Variants in ST8SIA6 observed in about 807,000 individuals in gnomAD.
ST8SIA6 encodes alpha-2,8-sialyltransferase 8F.
Under a neutral mutation model 33.6 loss-of-function variants are expected in ST8SIA6, and 39 were observed. The ratio of observed to expected loss-of-function variants is 1.16; its 90% CI spans 0.90 to 1.52. The LOEUF is 1.52. ST8SIA6 is among the 40% of genes most tolerant of loss of function. The pLI, the probability that ST8SIA6 is intolerant of heterozygous loss-of-function variation, is 0.00. For missense variants in ST8SIA6, 441 were observed against 443.8 expected, an observed-to-expected ratio of 0.99 and a Z score of 0.06; for synonymous variants, 172 against 167.2, an observed-to-expected ratio of 1.03 and a Z score of -0.22.
chr10:17,362,860 C>T (rs866601047), intron 3 of ST8SIA6, among the ~76,000 whole-genome samples: 5 of 151,948 alleles, frequency 3.3e-5, no homozygotes, highest in Admixed American at 1.3e-4. Context: ...TACAGGCGCG[C>T]GTCCCCATGT....
At chr10:17,440,450 C>T (rs1178040138) in intron 2 of ST8SIA6, among the ~76,000 whole-genome samples, 1 of 152,078 alleles carries the variant, frequency 6.6e-6, no homozygotes, top group Admixed American at 6.5e-5. Flanking sequence ...AAGTGATTCA[C>T]CTGCCCCGGC....
intron 3 of ST8SIA6, among the ~76,000 whole-genome samples, chr10:17,369,610 G>A (rs1380516371): frequency 6.6e-6 from 1 of 152,088 alleles, no homozygotes; most frequent in East Asian, 1.9e-4. Context: ...CTATTTCCAT[G>A]ATAATCTTTT....
At chr10:17,347,516 G>A (rs1214039946) in intron 4 of ST8SIA6, among the ~76,000 whole-genome samples, 1 of 152,006 alleles carries the variant, frequency 6.6e-6, no homozygotes, top group Non-Finnish European at 1.5e-5. Context: ...AAAAAAAAAC[G>A]GGATCACGTT....
At chr10:17,373,020 T>C (rs1030089435) in intron 3 of ST8SIA6, among the ~76,000 whole-genome samples, 8 of 152,108 alleles carry the variant, frequency 5.3e-5, no homozygotes, top group African/African-American at 1.9e-4. Flanking sequence ...AGATCGAGGG[T>C]ACAGGGCATC....
At chr10:17,345,928 A>G (rs1468340991) in intron 4 of ST8SIA6, among the ~76,000 whole-genome samples, 1 of 152,166 alleles carries the variant, frequency 6.6e-6, no homozygotes, top group African/African-American at 2.4e-5. Flanking sequence ...GAAACCTAAA[A>G]TTCCTCCGCT....
At chr10:17,437,525 G>C (rs1427228300) in intron 2 of ST8SIA6, among the ~76,000 whole-genome samples, 1 of 151,998 alleles carries the variant, frequency 6.6e-6, no homozygotes, top group African/African-American at 2.4e-5. Flanking sequence ...AGTGGGGTCT[G>C]AAGCAGACTC....
rs1232508450 is a variant in ST8SIA6, at chr10:17,454,172, G to T, written c.84C>A (p.Asp28Glu). The change falls in exon 1 of 8, where the codon GAC becomes GAA. Residue 28 changes from aspartate (D) to glutamate (E), a missense_variant. Asp to Glu is a conservative substitution (Grantham distance 45). Transcript: ENST00000377602. The surrounding 1 kb of genome is among the most constrained non-coding windows in gnomAD (Gnocchi z 4.1). The stretch of plus-strand genomic sequence containing the variant: ...TGGGTTACCTGGCGCGGCCGGGCGC[G>T]TCTGCCGGGCACCAGAGCAGGCGCA... The part of the protein sequence containing the change: ...LLLRLLWCPA[D>E]APGRARILVE... 5.0e-5 allele frequency: 14 copies of T among 280,382 alleles called. No individual in the cohort carries two copies. The highest frequency in any genetic ancestry group is 1.1e-4 in the Admixed American group (2 of 18,886). 17.4% of individuals were successfully genotyped at this position (280,382 alleles called of 1,614,324 possible). A position where few individuals can be genotyped will look rare whatever the true frequency, so the allele number is the denominator to read the frequency against.
At chr10:17,427,384 T>C (rs1851971829) in intron 2 of ST8SIA6, among the ~76,000 whole-genome samples, 2 of 152,206 alleles carry the variant, frequency 1.3e-5, no homozygotes, top group South Asian at 4.1e-4. Flanking sequence ...GGACCACACT[T>C]GGCTCTAGGC....
chr10:17,453,287 G>A (rs964976403), intron 2 of ST8SIA6, among the ~76,000 whole-genome samples: 5 of 151,904 alleles, frequency 3.3e-5, no homozygotes, highest in African/African-American at 1.2e-4. Context: ...CACCATTGTC[G>A]AGAGGAAAAC....
intron 3 of ST8SIA6, among the ~76,000 whole-genome samples, chr10:17,364,855 T>C (rs973026554): frequency 1.3e-5 from 2 of 152,210 alleles, no homozygotes; most frequent in Non-Finnish European, 2.9e-5. Flanking sequence ...AAAGCACAGA[T>C]CTCACCCCAA....
intron 2 of ST8SIA6, among the ~76,000 whole-genome samples, chr10:17,440,929 A>T (rs1248777464): frequency 2.0e-5 from 3 of 152,202 alleles, no homozygotes; most frequent in African/African-American, 7.2e-5. Context: ...AGGTCTTCAC[A>T]TCTGCCCATT....
chr10:17,392,556 G>T (rs1342330839), intron 2 of ST8SIA6, among the ~76,000 whole-genome samples: 1 of 152,112 alleles, frequency 6.6e-6, no homozygotes, highest in Non-Finnish European at 1.5e-5. Context: ...GTTCCAAAAT[G>T]GGGAGCAGCC....
At chr10:17,416,772 A>G (rs1249334545) in intron 2 of ST8SIA6, among the ~76,000 whole-genome samples, 1 of 152,142 alleles carries the variant, frequency 6.6e-6, no homozygotes, top group Non-Finnish European at 1.5e-5. Flanking sequence ...CACATTCTCT[A>G]TGCAGCTATC....
At chr10:17,321,479 T>C (rs1847947837) in intron 7 of ST8SIA6, 133 bp from the exon 8 acceptor site, 1 of 670,184 alleles carries the variant, frequency 1.5e-6, no homozygotes, top group African/African-American at 1.8e-5. Context: ...ACAGATAAAG[T>C]GTGGACTCAG....
intron 3 of ST8SIA6, among the ~76,000 whole-genome samples, chr10:17,372,318 C>G (rs1849761678): frequency 6.6e-6 from 1 of 152,202 alleles, no homozygotes; most frequent in Non-Finnish European, 1.5e-5. Context: ...AGCTGGATCA[C>G]TTTTGAATAG....
chr10:17,327,264 G>A, intron 5 of ST8SIA6, 138 bp from the exon 6 acceptor site: 3 of 600,518 alleles, frequency 5.0e-6, no homozygotes, highest in Non-Finnish European at 8.2e-6. Context: ...AGCCCAGTTT[G>A]CTAATCAACT....
chr10:17,380,842 C>T (rs962675705), intron 3 of ST8SIA6, among the ~76,000 whole-genome samples: 11 of 77,144 alleles, frequency 1.4e-4, no homozygotes, highest in Admixed American at 9.1e-4. Flanking sequence ...TGTATGTGTA[C>T]GTTTGTGTGT....
chr10:17,342,749 G>C (rs1848717734), intron 4 of ST8SIA6, among the ~76,000 whole-genome samples: 1 of 152,110 alleles, frequency 6.6e-6, no homozygotes, highest in Non-Finnish European at 1.5e-5. Flanking sequence ...AGAAGTTTGA[G>C]ACCAGCCTGG....
At chr10:17,334,061 T>C (rs1848423847) in intron 4 of ST8SIA6, among the ~76,000 whole-genome samples, 1 of 151,058 alleles carries the variant, frequency 6.6e-6, no homozygotes. Context: ...TGGCCCTGGA[T>C]TGTAGCATGG....
Sources: allele counts gnomAD v4.1 joint callset (sites outside exome capture counted in the v4.1 genomes callset), GRCh38; gene constraint gnomAD v4.1.1; non-coding constraint Gnocchi (gnomAD v3.1); transcripts MANE v1.5; gene names NCBI Gene and HGNC (gene_info 2026-07-23, HGNC 2026-07-21).